Variants in FBN3 observed in about 807,000 individuals in gnomAD.
FBN3 encodes fibrillin 3, also known as fibrillin-3.
Under a neutral mutation model 330.1 loss-of-function variants are expected in FBN3, and 234 were observed. The observed-to-expected ratio is 0.71, with a 90% CI of 0.64 to 0.79. FBN3 has a LOEUF of 0.79. FBN3 is among the 30% of genes least tolerant of loss of function. The pLI is 0.00. For synonymous variants in FBN3, 1,458 were observed against 1,517.3 expected, an observed-to-expected ratio of 0.96 and a Z score of 0.91; for missense variants, 3,606 against 3,886.9, an observed-to-expected ratio of 0.93 and a Z score of 1.92.
chr19:8,135,946 C>A lies in FBN3; in HGVS notation c.1591+15G>T. 4.1e-6 allele frequency: 2 copies of A among 492,328 alleles called. No individual in the cohort carries two copies. The highest frequency in any genetic ancestry group is 3.1e-5 in the South Asian group (2 of 63,610). 30.5% of individuals were successfully genotyped at this position (492,328 alleles called of 1,614,324 possible). ...GGCCCGGAAGCCCCTGCCCACCCGCCCACCCCCAACTCACCCACACAGTTC... is the reference window on the plus strand; with the variant it reads ...GGCCCGGAAGCCCCTGCCCACCCGCACACCCCCAACTCACCCACACAGTTC... On this transcript the variant is annotated intron_variant, in intron 13 of 63. Transcript: ENST00000600128.
Position 8,085,548 on chromosome 19 carries a change from A to G in FBN3, c.6902T>C (p.Phe2301Ser). 6.3e-7 allele frequency: 1 copy of G among 1,580,614 alleles called. No homozygotes were observed. Among genetic ancestry groups the G allele is most frequent in the Non-Finnish European group, 8.6e-7 (1 of 1,164,044 alleles). ...ECHDIRQGPC[F>S]AEVLQTMCRS... ...GCACATGGTCTGCAGCACCTCGGCA[A>G]AGCAGGGCCCCTGCCGGATGTCTGC... is the stretch of plus-strand genomic sequence containing the variant. The change falls in exon 56 of 64, where the codon TTT (phenylalanine) becomes TCT (serine). Residue 2301 changes from phenylalanine to serine, a missense_variant. Coordinates refer to ENST00000600128, the MANE Select transcript of FBN3 (RefSeq NM_032447.5).
chr19:8,102,468 T>A (rs772434186), intron 40 of FBN3, among the ~76,000 whole-genome samples: 3 of 152,124 alleles, frequency 2.0e-5, no homozygotes, highest in Non-Finnish European at 4.4e-5. Context: ...TCCACCCGCC[T>A]CGGCCTCCCA....
chr19:8,111,223 A>C (rs767114687), intron 32 of FBN3, 40 bp from the exon 33 acceptor site: 1 of 1,554,814 alleles, frequency 6.4e-7, no homozygotes, highest in Admixed American at 1.8e-5. Flanking sequence ...AGGCCGGTGG[A>C]CCAGGACCCA....
At chr19:8,113,811 C>G (rs2144843814) in intron 30 of FBN3, among the ~76,000 whole-genome samples, 1 of 144,940 alleles carries the variant, frequency 6.9e-6, no homozygotes, top group Admixed American at 7.2e-5. Flanking sequence ...TCAAGACCAA[C>G]CCGGGCGACA....
At chr19:8,084,831 G>A (rs992812189) in intron 56 of FBN3, among the ~76,000 whole-genome samples, 2 of 151,106 alleles carry the variant, frequency 1.3e-5, no homozygotes, top group African/African-American at 2.4e-5. Context: ...CAGGTGATCC[G>A]GCCGCCTCAG....
chr19:8,067,390 T>A (rs1428794080), intron 63 of FBN3, among the ~76,000 whole-genome samples: 1 of 152,184 alleles, frequency 6.6e-6, no homozygotes, highest in Non-Finnish European at 1.5e-5. Context: ...CCTCCCAAAG[T>A]GCTGGGATTA....
intron 36 of FBN3, among the ~76,000 whole-genome samples, chr19:8,108,561 A>C (rs1423481252): frequency 6.6e-6 from 1 of 152,042 alleles, no homozygotes; most frequent in African/African-American, 2.4e-5. Context: ...ATCCAAAACC[A>C]TATCCTAGTG....
At chr19:8,118,575 C>T (rs533334542) in intron 26 of FBN3, among the ~76,000 whole-genome samples, 1 of 149,382 alleles carries the variant, frequency 6.7e-6, no homozygotes, top group East Asian at 1.9e-4. Flanking sequence ...GACGCACACA[C>T]ACACTCACTC....
rs61729622 is a variant in FBN3 at position 8,138,506 on chromosome 19, G to A, written c.924C>T (p.Leu308=). 1.4e-4 allele frequency: 224 copies of A among 1,612,796 alleles called. 4 individuals are homozygous for A. The African/African-American group carries it at 2.6e-3, about 19-fold the overall frequency. Reference sequence around the variant, plus strand: ...ACTGCCTGCGAGTGTAGTGGCCGGCGAGGTCTCCAGCACAGCGGCCCCCGA... The same window carrying A: ...ACTGCCTGCGAGTGTAGTGGCCGGCAAGGTCTCCAGCACAGCGGCCCCCGA... ...VLFGGRCAGD[L]AGHYTRRQCC... The change falls in exon 9 of 64, where the codon CTC becomes CTT. Residue 308 remains leucine, a synonymous_variant. Coordinates refer to ENST00000600128, the MANE Select transcript of FBN3 (RefSeq NM_032447.5).
In FBN3 at chr19:8,103,583, T is replaced by C. The variant is rs1437250930; in HGVS notation, c.4918A>G (p.Asn1640Asp). The C allele has an allele frequency of 1.2e-6, 2 of 1,613,598 alleles. No homozygotes were observed. Among genetic ancestry groups the C allele is most frequent in the East Asian group, 2.2e-5 (1 of 44,862 alleles). Residue 1640 changes from asparagine to aspartate, a missense_variant, in exon 39 of 64, where the codon AAT becomes GAT. Physicochemically the swap from Asn to Asp is conservative, Grantham distance 23 (BLOSUM62 1). Coordinates refer to ENST00000600128, the MANE Select transcript of FBN3 (RefSeq NM_032447.5). Reference protein sequence around the residue: ...CVCPAEYLQVNGGNNCMDMRK... With the variant: ...CVCPAEYLQVDGGNNCMDMRK... ...TTACCCATGCAGTTGTTGCCACCAT[T>C]GACTTGGAGGTACTCTGCAGGGCAG...
At chr19:8,091,418 C>T (rs2082091343) in intron 48 of FBN3, 47 bp downstream of exon 48, 5 of 1,604,744 alleles carry the variant, frequency 3.1e-6, no homozygotes, top group East Asian at 4.5e-5. Flanking sequence ...TCTGACCCTT[C>T]CCCGCCCCAC....
rs770461065 is a variant in FBN3, at chr19:8,073,141, G to A, written c.7859C>T (p.Pro2620Leu). Residue 2620 changes from proline (P) to leucine (L), a missense_variant, in exon 62 of 64, where the codon CCC (proline) becomes CTC (leucine). Transcript: ENST00000600128. ...EVDECAGRRG[P>L]CSYSCANTPG... is the part of the protein sequence containing the mutation. ...CGTGTTGGCACAGCTGTAGCTACAG[G>A]GGCCACGCCGTCCGGCGCACTCATC... 3 of 1,613,894 alleles carry A rather than the reference G, an allele frequency of 1.9e-6. No individual in the cohort carries two copies. Among genetic ancestry groups the A allele is most frequent in the African/African-American group, 1.3e-5 (1 of 75,050 alleles).
At chr19:8,124,327 T>C (rs559659448) in intron 22 of FBN3, among the ~76,000 whole-genome samples, 2 of 152,208 alleles carry the variant, frequency 1.3e-5, no homozygotes, top group East Asian at 3.9e-4. Flanking sequence ...CACCATAACC[T>C]CCACCTCCCA....
chr19:8,103,177 G>A (rs2082363788), intron 39 of FBN3, among the ~76,000 whole-genome samples: 1 of 149,384 alleles, frequency 6.7e-6, no homozygotes. Context: ...TGAGGCAGGA[G>A]AATCGCTTGA....
Position 8,121,633 on chromosome 19 carries a change from C to T in FBN3, c.3083-247G>A, listed in dbSNP as rs1333510549. The stretch of plus-strand genomic sequence containing the variant: ...AAGGAGCCGAGGAAATGGAGGAACC[C>T]CAAACTAAACATGACAAGGGCAGGC... On this transcript the variant is annotated intron_variant, in intron 24 of 63. Coordinates refer to ENST00000600128, the MANE Select transcript of FBN3 (RefSeq NM_032447.5). The surrounding 1 kb of genome is among the most constrained non-coding windows in gnomAD (Gnocchi z 4.5). Among the ~76,000 whole-genome samples the T allele has an allele frequency of 6.6e-6, 1 of 152,194 alleles. No homozygotes were observed. The highest frequency in any genetic ancestry group is 1.5e-5 in the Non-Finnish European group (1 of 68,028).
chr19:8,149,271 T>C lies in FBN3; in HGVS notation c.-18+178A>G, dbSNP rs867299718. Among the ~76,000 whole-genome samples the C allele has an allele frequency of 2.7e-5, 4 of 150,130 alleles. No homozygotes were observed. In the South Asian group the frequency reaches 8.4e-4, roughly 32 times the overall value. ...TCCCGCCGGGTCCCCGCGCCCCCAC[T>C]CCCCACTGCGGCGGGCGCCACTAGA... On this transcript the variant is annotated intron_variant, in intron 1 of 63. Transcript: ENST00000600128. This position sits in a 1 kb window ranked among gnomAD's most constrained non-coding sequence, Gnocchi z 5.5.
In FBN3 at chr19:8,115,621, C is replaced by T; in HGVS notation, c.3732G>A (p.Leu1244=). ...CCCCATGGAGGCAGATGTGAGGGTT[C>T]AGGTCACACTCATCCACATCTGTTG... is the stretch of plus-strand genomic sequence containing the variant. The part of the protein sequence containing the change: ...RTCVDVDECD[L]NPHICLHGDC... Residue 1244 remains leucine (L), a synonymous_variant, in exon 30 of 64, where the codon CTG becomes CTA. Transcript: ENST00000600128. The T allele has an allele frequency of 1.2e-6, 2 of 1,614,010 alleles. No homozygotes were observed. Among genetic ancestry groups the T allele is most frequent in the African/African-American group, 1.3e-5 (1 of 74,988 alleles).
At position 8,136,259 on chromosome 19, in the gene FBN3, T is replaced by C. The variant is rs746722984; in HGVS notation, c.1396A>G (p.Ile466Val). The change falls in exon 12 of 64, where the codon ATC (isoleucine) becomes GTC (valine). Residue 466 changes from isoleucine to valine, a missense_variant. Physicochemically the swap from Ile to Val is conservative, Grantham distance 29 (BLOSUM62 3). Transcript: ENST00000600128. The stretch of plus-strand genomic sequence containing the variant: ...CACCGGCAGTGGTAGGTGCCGGGGA[T>C]GTTGACGCAGTCACCGTGGTGGCAG... ...SPCHHGDCVN[I>V]PGTYHCRCYP... 6.8e-6 allele frequency: 11 copies of C among 1,607,888 alleles called. No homozygotes were observed. In the Admixed American group the frequency reaches 1.7e-4, roughly 25 times the overall value.
In FBN3 at chr19:8,142,015, A is replaced by G. The variant is rs1320014516; in HGVS notation, c.664T>C (p.Cys222Arg). The change falls in exon 7 of 64, where the codon TGT (cysteine) becomes CGT (arginine). Residue 222 changes from cysteine to arginine, a missense_variant. By Grantham distance (180) the Cys-to-Arg change is radical. Coordinates refer to ENST00000600128, the MANE Select transcript of FBN3 (RefSeq NM_032447.5). ...ATVGRAWGLP[C>R]ELCPAQPHPC... ...TGTGGCTGTGCAGGGCAAAGTTCAC[A>G]TGGAAGGCCCCAGGCACGGCCCACA... 6.8e-6 allele frequency: 11 copies of G among 1,614,064 alleles called. No individual in the cohort carries two copies. The highest frequency in any genetic ancestry group is 3.3e-4 in the Middle Eastern group (2 of 6,084).
Sources: allele counts gnomAD v4.1 joint callset (sites outside exome capture counted in the v4.1 genomes callset), GRCh38; gene constraint gnomAD v4.1.1; non-coding constraint Gnocchi (gnomAD v3.1); transcripts MANE v1.5; gene names NCBI Gene and HGNC (gene_info 2026-07-23, HGNC 2026-07-21).